The following FARS2 variants were observed in gnomAD, a reference collection of about 807,000 sequenced individuals.
FARS2 encodes phenylalanyl-tRNA synthetase 2, mitochondrial.
Under a neutral mutation model 46.4 loss-of-function variants are expected in FARS2, and 40 were observed. The ratio of observed to expected loss-of-function variants is 0.86; its 90% CI spans 0.67 to 1.12. FARS2 has a LOEUF of 1.12. Among genes scored for constraint, FARS2 ranks in the 50% most tolerant of loss-of-function variants. The pLI is 0.00. For missense variants in FARS2, 513 were observed against 567.9 expected (o/e 0.90, Z 0.98); for synonymous variants, 234 against 214.9 (o/e 1.09, Z -0.78).
intron 5 of FARS2, among the ~76,000 whole-genome samples, chr6:5,551,961 A>G (rs934205184): frequency 8.5e-5 from 13 of 152,156 alleles, no homozygotes; most frequent in Non-Finnish European, 1.5e-4. Context: ...CCTTAATTAT[A>G]TCTATAAAGA....
intron 5 of FARS2, among the ~76,000 whole-genome samples, chr6:5,579,984 C>T (rs1431113872): frequency 6.6e-6 from 1 of 151,848 alleles, no homozygotes; most frequent in African/African-American, 2.4e-5. Context: ...TTTGTCAGAA[C>T]ATAGGGCCTA....
rs371277430 is a variant in FARS2, at chr6:5,640,292, G to C, written c.1217+26972G>C. ...GGTACTGTGGGAGGACCAAGGCTCA[G>C]AGCGTCTGACTTACGGGTTTAAGGT... On this transcript the variant is annotated intron_variant, in intron 6 of 6. Transcript: ENST00000274680. 6.4e-4 allele frequency among the ~76,000 whole-genome samples: 97 copies of C among 152,316 alleles called. 2 individuals are homozygous for C. The South Asian group carries it at 0.02, about 31-fold the overall frequency.
rs1758828911 is a variant in FARS2 at position 5,368,610 on chromosome 6, G to A, written c.40G>A (p.Val14Ile). ...TCTCAGGAGAGGTGCCCATGCATATGTCTACCTGGTGAGTAAGGCCAGTCA... is the reference window on the plus strand; with the variant it reads ...TCTCAGGAGAGGTGCCCATGCATATATCTACCTGGTGAGTAAGGCCAGTCA... ...SALRRGAHAYVYLVSKASHIS... is the reference protein window; with the variant it reads ...SALRRGAHAYIYLVSKASHIS... Residue 14 changes from valine (V) to isoleucine (I), a missense_variant, in exon 2 of 7, where the codon GTC becomes ATC. Transcript: ENST00000274680. 2.5e-6 allele frequency: 4 copies of A among 1,613,994 alleles called. No individual in the cohort carries two copies. The highest frequency in any genetic ancestry group is 1.7e-6 in the Non-Finnish European group (2 of 1,179,920).
rs568446053 is a variant in FARS2, at chr6:5,551,493, T to C, written c.1065+6153T>C. Reference sequence around the variant, plus strand: ...TATCATGGTGCTCCAAGTTATCTACTACCCACTGACCAATTCCAAGGCTAA... The same window carrying C: ...TATCATGGTGCTCCAAGTTATCTACCACCCACTGACCAATTCCAAGGCTAA... On this transcript the variant is annotated intron_variant, in intron 5 of 6. Transcript: ENST00000274680. Among the ~76,000 whole-genome samples, 166 of 152,350 alleles carry C rather than the reference T, an allele frequency of 1.1e-3. 1 individual carries two copies. The highest frequency in any genetic ancestry group is 3.8e-3 in the African/African-American group (156 of 41,588).
chr6:5,645,202 G>C (rs1777018091), intron 6 of FARS2, among the ~76,000 whole-genome samples: 1 of 152,138 alleles, frequency 6.6e-6, no homozygotes. Flanking sequence ...TTCTCCCTCT[G>C]GTGTAAAATT....
chr6:5,746,725 A>C (rs1761667885), intron 6 of FARS2, among the ~76,000 whole-genome samples: 1 of 152,164 alleles, frequency 6.6e-6, no homozygotes, highest in South Asian at 2.1e-4. Flanking sequence ...CGCCCCAGTC[A>C]GTGCATGGAA....
At chr6:5,648,444 G>T (rs190389882) in intron 6 of FARS2, among the ~76,000 whole-genome samples, 229 of 152,276 alleles carry the variant, frequency 1.5e-3, no homozygotes, top group Non-Finnish European at 2.6e-3. Context: ...TGCATGTCAG[G>T]GTTCTCTGCA....
chr6:5,572,317 G>A (rs1772702346), intron 5 of FARS2, among the ~76,000 whole-genome samples: 1 of 151,952 alleles, frequency 6.6e-6, no homozygotes, highest in Non-Finnish European at 1.5e-5. Context: ...TGGGGGTGGG[G>A]AGGTGCCACA....
chr6:5,709,345 T>C (rs1021011341), intron 6 of FARS2, among the ~76,000 whole-genome samples: 7 of 152,166 alleles, frequency 4.6e-5, no homozygotes, highest in East Asian at 1.9e-4. Flanking sequence ...GCACCTGCCC[T>C]CACAGCTGGT....
At chr6:5,374,377 A>T (rs1359033240) in intron 2 of FARS2, among the ~76,000 whole-genome samples, 1 of 152,142 alleles carries the variant, frequency 6.6e-6, no homozygotes, top group Non-Finnish European at 1.5e-5. Context: ...CCCTGCTTTC[A>T]TGGGGAAGAC....
intron 4 of FARS2, among the ~76,000 whole-genome samples, chr6:5,480,477 A>T (rs1207949881): frequency 1.3e-5 from 2 of 152,202 alleles, no homozygotes; most frequent in Admixed American, 1.3e-4. Flanking sequence ...TCTCTTCCTG[A>T]CCTGAGATAT....
At chr6:5,757,855 G>A (rs548992815) in intron 6 of FARS2, among the ~76,000 whole-genome samples, 21 of 152,276 alleles carry the variant, frequency 1.4e-4, no homozygotes, top group Admixed American at 3.3e-4. Context: ...TTGTTGCTAC[G>A]GTTACTATTA....
chr6:5,484,509 G>A (rs751248739), intron 4 of FARS2, among the ~76,000 whole-genome samples: 15 of 152,314 alleles, frequency 9.8e-5, no homozygotes, highest in African/African-American at 2.2e-4. Context: ...GAGGAACTGC[G>A]TTTTAAGATT....
intron 5 of FARS2, among the ~76,000 whole-genome samples, chr6:5,584,676 GT>G (rs914632884): frequency 1.6e-4 from 24 of 151,452 alleles, no homozygotes; most frequent in African/African-American, 4.4e-4. Context: ...TTATCAGCAT[GT>G]TTTTTTTTAA....
At chr6:5,333,165 T>G (rs546511402) in intron 1 of FARS2, among the ~76,000 whole-genome samples, 2 of 152,134 alleles carry the variant, frequency 1.3e-5, no homozygotes, top group African/African-American at 2.4e-5. Context: ...AACTAAAAGA[T>G]TTTGGGAACA....
chr6:5,401,829 A>T (rs1051306596), intron 2 of FARS2, among the ~76,000 whole-genome samples: 2 of 151,970 alleles, frequency 1.3e-5, no homozygotes, highest in African/African-American at 4.8e-5. Flanking sequence ...ATCTGATGCC[A>T]CTCTGATTGC....
At chr6:5,535,688 G>A (rs1483814996) in intron 4 of FARS2, among the ~76,000 whole-genome samples, 5 of 152,130 alleles carry the variant, frequency 3.3e-5, no homozygotes, top group African/African-American at 4.8e-5. Context: ...TCTTTATTTT[G>A]TTGAGGGCAT....
chr6:5,464,673 A>C (rs967929491), intron 4 of FARS2, among the ~76,000 whole-genome samples: 3 of 152,162 alleles, frequency 2.0e-5, no homozygotes, highest in African/African-American at 7.2e-5. Context: ...CTGGGACCAC[A>C]TACAGTATTT....
intron 6 of FARS2, among the ~76,000 whole-genome samples, chr6:5,667,106 G>T: frequency 6.6e-6 from 1 of 152,092 alleles, no homozygotes; most frequent in East Asian, 1.9e-4. Flanking sequence ...ATGGGTACTA[G>T]GCTTAATACC....
Sources: gnomAD v4.1 joint callset for allele counts (sites outside exome capture counted in the v4.1 genomes callset) on GRCh38, gnomAD v4.1.1 for gene constraint, MANE v1.5 for transcripts, NCBI Gene and HGNC (gene_info 2026-07-23, HGNC 2026-07-21) for gene names.